BCLAF3: variants seen among roughly 807,000 people sequenced by gnomAD.
BCLAF3 encodes BCLAF1 and THRAP3 family member 3.
BCLAF3 carries 24 observed loss-of-function variants against 51.2 expected under a neutral mutation model. The observed-to-expected ratio is 0.47, with a 90% CI of 0.34 to 0.66. BCLAF3 has a LOEUF of 0.66. Among genes scored for constraint, BCLAF3 ranks in the 30% least tolerant of loss-of-function variants. The pLI is 0.01. For synonymous variants in BCLAF3, 152 were observed against 176.6 expected (o/e 0.86, Z 1.10); for missense variants, 465 against 525.1 (o/e 0.89, Z 1.12).
intron 4 of BCLAF3, among the ~76,000 whole-genome samples, chrX:19,956,599 A>C (rs2071673961): frequency 9.0e-6 from 1 of 111,490 alleles, no homozygotes; most frequent in African/African-American, 3.3e-5. Context: ...ATCAATGAAA[A>C]AATTTTCTCA....
chrX:19,969,123 A>C (rs2072171009), intron 2 of BCLAF3, among the ~76,000 whole-genome samples: 1 of 111,679 alleles, frequency 9.0e-6, no homozygotes, highest in South Asian at 3.7e-4. Context: ...AAAACAAAAT[A>C]AAAATAAAAA....
intron 1 of BCLAF3, among the ~76,000 whole-genome samples, chrX:19,975,591 G>A (rs1440886709): frequency 3.6e-5 from 4 of 111,798 alleles, no homozygotes; most frequent in African/African-American, 6.5e-5. Context: ...TGATCTGCCC[G>A]CCTCAGCCTC....
intron 1 of BCLAF3, among the ~76,000 whole-genome samples, chrX:19,975,229 T>C (rs1006329136): frequency 1.3e-4 from 12 of 94,485 alleles, no homozygotes; most frequent in African/African-American, 6.4e-4. Context: ...CTTTTTACAT[T>C]TTAAAGTGTT....
chrX:19,982,072 C>A (rs1312744348), intron 1 of BCLAF3, among the ~76,000 whole-genome samples: 3 of 112,110 alleles, frequency 2.7e-5, no homozygotes, highest in Non-Finnish European at 5.6e-5. Context: ...AATCAACTGA[C>A]AGAGATTCCA....
chrX:19,937,816 T>C (rs1188227414), intron 8 of BCLAF3, among the ~76,000 whole-genome samples: 1 of 112,251 alleles, frequency 8.9e-6, no homozygotes, highest in African/African-American at 3.2e-5. Context: ...TTCTGGGGGC[T>C]GTAACCCCCT....
At chrX:19,925,504 G>T (rs1046559005) in intron 11 of BCLAF3, among the ~76,000 whole-genome samples, 11 of 111,567 alleles carry the variant, frequency 9.9e-5, no homozygotes, top group Non-Finnish European at 1.3e-4. Flanking sequence ...AGTCTAGGTG[G>T]TGGTCTAATA....
chrX:19,958,566 CTATGTTTAGA>C (rs2071744841), intron 4 of BCLAF3, among the ~76,000 whole-genome samples: 2 of 112,064 alleles, frequency 1.8e-5, no homozygotes, highest in South Asian at 7.3e-4. Context: ...TGTACCTTTT[CTATGTTTAGA>C]TATGTTTAGA....
In BCLAF3 at chrX:19,985,762, G is replaced by C. The variant is rs184649916; in HGVS notation, c.-35+5146C>G. 2.0e-4 allele frequency among the ~76,000 whole-genome samples: 22 copies of C among 110,864 alleles called. No individual in the cohort carries two copies. The East Asian group carries it at 5.6e-3, about 28-fold the overall frequency. On this transcript the variant is annotated intron_variant, in intron 1 of 11. Transcript: ENST00000379682. Reference sequence around the variant, plus strand: ...GTTCAAGGCCAGCCCGGGCAACATGGGCAGACCTTGTCTCTACAAAAAAAA... The same window carrying C: ...GTTCAAGGCCAGCCCGGGCAACATGCGCAGACCTTGTCTCTACAAAAAAAA...
chrX:19,954,123 C>A (rs1428887068), intron 5 of BCLAF3: 1 of 752,471 alleles, frequency 1.3e-6, no homozygotes, highest in Non-Finnish European at 1.6e-6. Flanking sequence ...TTCTTTCTAT[C>A]TGACACGCCT....
chrX:19,970,508 C>T (rs1433113631), intron 1 of BCLAF3, among the ~76,000 whole-genome samples: 1 of 111,405 alleles, frequency 9.0e-6, no homozygotes, highest in Non-Finnish European at 1.9e-5. Flanking sequence ...TGCAAAGTGC[C>T]AAGTGGTAAC....
rs1429266404 is a variant in BCLAF3 at position 19,965,473 on chromosome X, C to T, written c.845G>A (p.Arg282His). ...SSATKVSYDYRHKRPKLLDGD... is the reference protein window; with the variant it reads ...SSATKVSYDYHHKRPKLLDGD... ...ATCCAAGAGCTTAGGACGTTTGTGACGATAGTCATAGGATACTTTGGTTGC... is the reference window on the plus strand; with the variant it reads ...ATCCAAGAGCTTAGGACGTTTGTGATGATAGTCATAGGATACTTTGGTTGC... Residue 282 changes from arginine (R) to histidine (H), a missense_variant, in exon 4 of 12, where the codon CGT (arginine) becomes CAT (histidine). Physicochemically the swap from Arg to His is conservative, Grantham distance 29. Transcript: ENST00000379682. 1.9e-5 allele frequency: 23 copies of T among 1,209,858 alleles called. No homozygotes were observed. The highest frequency in any genetic ancestry group is 2.6e-5 in the Non-Finnish European group (23 of 895,205).
intron 11 of BCLAF3, among the ~76,000 whole-genome samples, chrX:19,927,588 G>A (rs931692838): frequency 9.0e-6 from 1 of 111,176 alleles, no homozygotes; most frequent in Admixed American, 9.6e-5. Context: ...CTAAAATCAT[G>A]AACTAAAATG....
intron 11 of BCLAF3, among the ~76,000 whole-genome samples, chrX:19,920,648 C>T (rs2070118354): frequency 9.1e-6 from 1 of 109,657 alleles, no homozygotes; most frequent in Admixed American, 9.8e-5. Context: ...GGCGAGACCC[C>T]GTACCTACAA....
At position 19,965,263 on chromosome X, in the gene BCLAF3, C is replaced by A; in HGVS notation, c.1055G>T (p.Cys352Phe). ...FKPSKKDSIACTYSNKNDVDL... is the reference protein window; with the variant it reads ...FKPSKKDSIAFTYSNKNDVDL... ...AACATCATTTTTATTTGAATAAGTA[C>A]AGGCAATGCTGTCTTTCTTAGACGG... The change falls in exon 4 of 12, where the codon TGT (cysteine) becomes TTT (phenylalanine). Residue 352 changes from cysteine to phenylalanine, a missense_variant. Physicochemically the swap from Cys to Phe is radical, Grantham distance 205. Coordinates refer to ENST00000379682, the MANE Select transcript of BCLAF3 (RefSeq NM_001367774.2). 1 of 1,209,613 alleles carries A rather than the reference C, an allele frequency of 8.3e-7. No homozygotes were observed. Among genetic ancestry groups the A allele is most frequent in the Admixed American group, 2.2e-5 (1 of 45,747 alleles).
chrX:19,940,944 C>G (rs2071010988), intron 8 of BCLAF3, among the ~76,000 whole-genome samples: 1 of 110,378 alleles, frequency 9.1e-6, no homozygotes, highest in African/African-American at 3.3e-5. Flanking sequence ...TGTTTCCTGA[C>G]TTTTTAATGA....
Position 19,990,832 on chromosome X carries a change from C to T in BCLAF3, c.-35+76G>A, listed in dbSNP as rs763887819. On this transcript the variant is annotated intron_variant, in intron 1 of 11. Transcript: ENST00000379682. ...CTGCCCCATCCGCCACCCCGAGAAC[C>T]GCCCCTCCTGGGTGGCGGACACGCC... Among the ~76,000 whole-genome samples the T allele has an allele frequency of 2.2e-4, 24 of 110,739 alleles. No homozygotes were observed. The South Asian group carries it at 9.0e-3, about 41-fold the overall frequency.
chrX:19,925,157 A>G (rs2070318046), intron 11 of BCLAF3, among the ~76,000 whole-genome samples: 1 of 111,456 alleles, frequency 9.0e-6, no homozygotes, highest in African/African-American at 3.3e-5. Context: ...GGAAGCCACT[A>G]TCATTCTGGT....
At chrX:19,940,638 T>C (rs1248705978) in intron 8 of BCLAF3, among the ~76,000 whole-genome samples, 3 of 109,578 alleles carry the variant, frequency 2.7e-5, no homozygotes, top group Non-Finnish European at 5.7e-5. Context: ...CCATGGTGTA[T>C]ATGTGCCACA....
intron 8 of BCLAF3, among the ~76,000 whole-genome samples, chrX:19,939,239 G>C (rs1001783894): frequency 8.9e-6 from 1 of 111,853 alleles, no homozygotes; most frequent in Non-Finnish European, 1.9e-5. Flanking sequence ...TCTCTGACTG[G>C]TAAAATTAGG....
Sources: gnomAD v4.1 joint callset for allele counts (sites outside exome capture counted in the v4.1 genomes callset) on GRCh38, gnomAD v4.1.1 for gene constraint, MANE v1.5 for transcripts, NCBI Gene and HGNC (gene_info 2026-07-23, HGNC 2026-07-21) for gene names.